The following GALE variants were observed in gnomAD, a reference collection of about 807,000 sequenced individuals.
The protein encoded by GALE is UDP-glucose 4-epimerase.
GALE carries 32 observed loss-of-function variants against 44.1 expected under a neutral mutation model. That is an observed-to-expected ratio of 0.73 (90% CI 0.55 to 0.97). GALE has a LOEUF of 0.97. Among genes scored for constraint, GALE ranks in the 50% least tolerant of loss-of-function variants. GALE has a pLI of 0.00. For synonymous variants in GALE, 182 were observed against 183.5 expected, an observed-to-expected ratio of 0.99 and a Z score of 0.06; for missense variants, 423 against 455.6, an observed-to-expected ratio of 0.93 and a Z score of 0.65.
In GALE at chr1:23,798,478, T is replaced by C; in HGVS notation, c.237+137A>G. ...GGCTACCATGCCCAGCTAATTTTTG[T>C]ATTTTTCTGTAGAGATGGGGTTTCA... On this transcript the variant is annotated intron_variant, in intron 4 of 11. Coordinates refer to ENST00000617979, the MANE Select transcript of GALE (RefSeq NM_001008216.2). This position sits in a 1 kb window ranked among gnomAD's most constrained non-coding sequence, Gnocchi z 4.5. 1 of 731,242 alleles carries C rather than the reference T, an allele frequency of 1.4e-6. No individual in the cohort carries two copies. The highest frequency in any genetic ancestry group is 2.4e-6 in the Non-Finnish European group (1 of 420,130). 45.3% of individuals were successfully genotyped at this position (731,242 alleles called of 1,614,324 possible).
rs1282384135 is a variant in GALE, at chr1:23,797,105, C to A, written c.571G>T (p.Ala191Ser). 6.2e-7 allele frequency: 1 copy of A among 1,613,108 alleles called. No individual in the cohort carries two copies. The highest frequency in any genetic ancestry group is 8.5e-7 in the Non-Finnish European group (1 of 1,179,710). ...VLLRYFNPTG[A>S]HASGCIGEDP... ...TCACCAATGCAGCCAGAGGCATGGG[C>A]ACCTGTGGGGTTGAAATAGCGCAGC... Residue 191 changes from alanine (A) to serine (S), a missense_variant, in exon 7 of 12, where the codon GCC becomes TCC. Physicochemically the swap from Ala to Ser is moderately conservative, Grantham distance 99 (BLOSUM62 1). Transcript: ENST00000617979.
In GALE at chr1:23,797,139, G is replaced by A. The variant is rs778400468; in HGVS notation, c.537C>T (p.Asn179=). The change falls in exon 7 of 12, where the codon AAC becomes AAT. Residue 179 remains asparagine (N), a synonymous_variant. Transcript: ENST00000617979. The stretch of plus-strand genomic sequence containing the variant: ...GGTTGAAATAGCGCAGCAGCACTGC[G>A]TTCCAAGTCTGTGGGATGTGGGTCA... ...RDLCQADKTW[N]AVLLRYFNPT... is the part of the protein sequence containing the mutation. The A allele has an allele frequency of 8.7e-6, 14 of 1,606,962 alleles. No homozygotes were observed. Among genetic ancestry groups the A allele is most frequent in the East Asian group, 4.5e-5 (2 of 44,730 alleles).
rs942994910 is a variant in GALE, at chr1:23,796,550, G to A, written c.832C>T (p.Leu278=). The change falls in exon 10 of 12, where the codon CTG becomes TTG. Residue 278 remains leucine, a synonymous_variant. Transcript: ENST00000617979. The surrounding 1 kb of genome is among the most constrained non-coding windows in gnomAD (Gnocchi z 5.2). ...TTCTCCATAGCCTGGACCATCTGCA[G>A]CACTGAATAGCCTGTGCCCGTGCCC... ...NLGTGTGYSV[L]QMVQAMEKAS... 2.5e-6 allele frequency: 4 copies of A among 1,613,948 alleles called. No homozygotes were observed. In the African/African-American group the frequency reaches 5.3e-5, roughly 22 times the overall value.
rs369432619 is a variant in GALE at position 23,798,201 on chromosome 1, C to T, written c.267G>A (p.Ala89=). 22 of 1,614,032 alleles carry T rather than the reference C, an allele frequency of 1.4e-5. No homozygotes were observed. Among genetic ancestry groups the T allele is most frequent in the African/African-American group, 4.0e-5 (3 of 75,036 alleles). Residue 89 remains alanine (A), a synonymous_variant, in exon 5 of 12, where the codon GCG becomes GCA. Transcript: ENST00000617979. This position sits in a 1 kb window ranked among gnomAD's most constrained non-coding sequence, Gnocchi z 4.5. ...KYSFMAVIHF[A]GLKAVGESVQ... ...CCGACTCGCCCACGGCCTTGAGCCC[C>T]GCAAAGTGGATGACCGCCATAAAGC...
Position 23,796,695 on chromosome 1 carries a change from A to G in GALE, c.795+2T>C, listed in dbSNP as rs777545175. 1 of 1,612,518 alleles carries G rather than the reference A, an allele frequency of 6.2e-7. No individual in the cohort carries two copies. The highest frequency in any genetic ancestry group is 8.5e-7 in the Non-Finnish European group (1 of 1,179,416). The stretch of plus-strand genomic sequence containing the variant: ...TCCCTCACTTCTCCCTTCTCTTCCT[A>G]CCCGGCAGCCACACTGTTCTTTCAG... On this transcript the variant is annotated splice_donor_variant, in intron 9 of 11. Coordinates refer to ENST00000617979, the MANE Select transcript of GALE (RefSeq NM_001008216.2). LOFTEE classifies it high-confidence loss of function. This position sits in a 1 kb window ranked among gnomAD's most constrained non-coding sequence, Gnocchi z 5.2.
At position 23,798,725 on chromosome 1, in the gene GALE, C is replaced by G; in HGVS notation, c.127G>C (p.Gly43Arg). ...CGCCGCAGGCTCTCAGGCAGGGAGC[C>G]CCCTCCTGGTAGGGTACATGTAGGC... Reference protein sequence around the residue: ...DNFHNAFRGGGSLPESLRRVQ... With the variant: ...DNFHNAFRGGRSLPESLRRVQ... The change falls in exon 4 of 12, where the codon GGC becomes CGC. Residue 43 changes from glycine (G) to arginine (R), a missense_variant. Transcript: ENST00000617979. This position sits in a 1 kb window ranked among gnomAD's most constrained non-coding sequence, Gnocchi z 4.5. 6.2e-7 allele frequency: 1 copy of G among 1,613,800 alleles called. No homozygotes were observed. Among genetic ancestry groups the G allele is most frequent in the South Asian group, 1.1e-5 (1 of 91,080 alleles).
rs200996331 is a variant in GALE, at chr1:23,798,189, G to A, written c.279C>T (p.Ala93=). The change falls in exon 5 of 12, where the codon GCC becomes GCT. Residue 93 remains alanine, a synonymous_variant. Transcript: ENST00000617979. This position sits in a 1 kb window ranked among gnomAD's most constrained non-coding sequence, Gnocchi z 4.5. Reference sequence around the variant, plus strand: ...GAGGCTTCTGCACCGACTCGCCCACGGCCTTGAGCCCCGCAAAGTGGATGA... The same window carrying A: ...GAGGCTTCTGCACCGACTCGCCCACAGCCTTGAGCCCCGCAAAGTGGATGA... The part of the protein sequence containing the change: ...MAVIHFAGLK[A]VGESVQKPLD... The A allele has an allele frequency of 1.7e-5, 27 of 1,613,904 alleles. No homozygotes were observed. The highest frequency in any genetic ancestry group is 3.3e-5 in the Admixed American group (2 of 59,998).
chr1:23,797,651 T>A (rs767863940), intron 6 of GALE, 44 bp downstream of exon 6: 1 of 1,589,628 alleles, frequency 6.3e-7, no homozygotes, highest in Non-Finnish European at 8.6e-7. Context: ...CCCTGAGGAG[T>A]CCATCGATCA....
chr1:23,799,972 C>G (rs1639077887), intron 1 of GALE: 1 of 152,418 alleles, frequency 6.6e-6, no homozygotes, highest in South Asian at 2.1e-4. Context: ...GCCTCTATCC[C>G]CTTCTGGGCT....
At chr1:23,797,236 T>G (rs1638988806) in intron 6 of GALE, 89 bp from the exon 7 acceptor site, 1 of 924,816 alleles carries the variant, frequency 1.1e-6, no homozygotes, top group Non-Finnish European at 1.7e-6. Context: ...TATTCTGTTT[T>G]TTTGAGATGG....
intron 1 of GALE, chr1:23,799,910 C>CT (rs1410325164): frequency 6.6e-6 from 1 of 152,580 alleles, no homozygotes; most frequent in South Asian, 2.1e-4. Context: ...GCCCCAGACA[C>CT]TGAGGCCTTT....
rs369381556 is a variant in GALE, at chr1:23,798,769, G to C, written c.122-39C>G. ...TGTAGGCCACATCATCACGACATGG[G>C]GTGCTGTGTTCCCAGGGACTAGCCA... On this transcript the variant is annotated intron_variant, in intron 3 of 11. Coordinates refer to ENST00000617979, the MANE Select transcript of GALE (RefSeq NM_001008216.2). This position sits in a 1 kb window ranked among gnomAD's most constrained non-coding sequence, Gnocchi z 4.5. 4.4e-6 allele frequency: 7 copies of C among 1,607,160 alleles called. No homozygotes were observed. In the African/African-American group the frequency reaches 8.0e-5, roughly 18 times the overall value.
At chr1:23,797,405 G>T (rs950684511) in intron 6 of GALE, among the ~76,000 whole-genome samples, 1 of 152,158 alleles carries the variant, frequency 6.6e-6, no homozygotes, top group Non-Finnish European at 1.5e-5. Flanking sequence ...TTTTAGTAGA[G>T]ATGGGGGTTT....
At position 23,796,942 on chromosome 1, in the gene GALE, C is replaced by T; in HGVS notation, c.643G>A (p.Val215Met). The change falls in exon 8 of 12, where the codon GTG becomes ATG. Residue 215 changes from valine (V) to methionine (M), a missense_variant and splice_region_variant. Transcript: ENST00000617979. The surrounding 1 kb of genome is among the most constrained non-coding windows in gnomAD (Gnocchi z 5.2). ...AGGGCCTCCCGTCGCCCGATCGCCA[C>T]CTGGAGGTGGAGATCAGGTCAGTTC... ...PNNLMPYVSQVAIGRREALNV... is the reference protein window; with the variant it reads ...PNNLMPYVSQMAIGRREALNV... The T allele has an allele frequency of 6.2e-7, 1 of 1,613,292 alleles. No individual in the cohort carries two copies. Among genetic ancestry groups the T allele is most frequent in the Non-Finnish European group, 8.5e-7 (1 of 1,179,680 alleles).
At chr1:23,799,112 G>C in intron 2 of GALE, 100 bp from the exon 3 acceptor site, 1 of 1,513,522 alleles carries the variant, frequency 6.6e-7, no homozygotes, top group Non-Finnish European at 9.1e-7. Flanking sequence ...GGAAGGAGGC[G>C]GCAGTGTGCC....
In GALE at chr1:23,795,842, AG is replaced by A. The variant is rs1007403800; in HGVS notation, c.*106del. On this transcript the variant is annotated 3_prime_UTR_variant, in exon 12 of 12. Transcript: ENST00000617979. The stretch of plus-strand genomic sequence containing the variant: ...AGCGGGCCCAGCTGGGGTTTGAGGT[AG>A]GGGAGGCCTTGGCTTGGCCCCAGCA... 2.0e-5 allele frequency: 22 copies of A among 1,104,806 alleles called. No homozygotes were observed. The Middle Eastern group carries it at 8.5e-4, about 43-fold the overall frequency. 68.4% of individuals were successfully genotyped at this position (1,104,806 alleles called of 1,614,324 possible).
chr1:23,798,640 C>T lies in GALE; in HGVS notation c.212G>A (p.Gly71Glu). The change falls in exon 4 of 12, where the codon GGA (glycine) becomes GAA (glutamate). Residue 71 changes from glycine to glutamate, a missense_variant. By Grantham distance (98) the Gly-to-Glu change is moderately conservative (BLOSUM62 -2). Coordinates refer to ENST00000617979, the MANE Select transcript of GALE (RefSeq NM_001008216.2). This position sits in a 1 kb window ranked among gnomAD's most constrained non-coding sequence, Gnocchi z 4.5. ...EFEEMDILDQ[G>E]ALQRLFKKYS... ...CTTTTTGAAGAGACGCTGTAGGGCTCCCTGGTCCAAAATGTCCATCTCCTC... is the reference window on the plus strand; with the variant it reads ...CTTTTTGAAGAGACGCTGTAGGGCTTCCTGGTCCAAAATGTCCATCTCCTC... The T allele has an allele frequency of 6.2e-7, 1 of 1,613,784 alleles. No individual in the cohort carries two copies. The highest frequency in any genetic ancestry group is 1.1e-5 in the South Asian group (1 of 91,082).
intron 1 of GALE, chr1:23,800,458 T>A (rs1038473708): frequency 1.3e-5 from 2 of 152,546 alleles, no homozygotes; most frequent in African/African-American, 2.4e-5. Context: ...GCCGTGGGCA[T>A]ACGAGGGCGG....
At position 23,798,359 on chromosome 1, in the gene GALE, C is replaced by T. The variant is rs1639029082; in HGVS notation, c.238-129G>A. The T allele has an allele frequency of 2.7e-6, 2 of 750,132 alleles. No individual in the cohort carries two copies. The highest frequency in any genetic ancestry group is 2.0e-5 in the Admixed American group (1 of 49,732). The allele number at this position is 750,132 out of a possible 1,614,324, so 46.5% of individuals were successfully genotyped here. A position where few individuals can be genotyped will look rare whatever the true frequency, so the allele number is the denominator to read the frequency against. ...TCGCTCTGTTGTCCAGGCTGGAGTACAGTGGTGCCATCTCAGCTCACCGCA... is the reference window on the plus strand; with the variant it reads ...TCGCTCTGTTGTCCAGGCTGGAGTATAGTGGTGCCATCTCAGCTCACCGCA... On this transcript the variant is annotated intron_variant, in intron 4 of 11. Transcript: ENST00000617979. The surrounding 1 kb of genome is among the most constrained non-coding windows in gnomAD (Gnocchi z 4.5).
Sources: allele counts gnomAD v4.1 joint callset (sites outside exome capture counted in the v4.1 genomes callset), GRCh38; gene constraint gnomAD v4.1.1; non-coding constraint Gnocchi (gnomAD v3.1); transcripts MANE v1.5; gene names NCBI Gene and HGNC (gene_info 2026-07-23, HGNC 2026-07-21).